The following ARL15 variants were observed in gnomAD, a reference collection of about 807,000 sequenced individuals.
The protein encoded by ARL15 is ADP-ribosylation factor-like protein 15.
Under a neutral mutation model 25.2 loss-of-function variants are expected in ARL15, and 19 were observed. The observed-to-expected ratio is 0.75, with a 90% CI of 0.53 to 1.10. The LOEUF is 1.10. ARL15 is among the 50% of genes least tolerant of loss of function. The probability of loss-of-function intolerance (pLI) is 0.00; values close to 1 mark genes in which losing one functional copy is unlikely to be tolerated. For missense variants in ARL15, 220 were observed against 246.0 expected, an observed-to-expected ratio of 0.89 and a Z score of 0.71; for synonymous variants, 94 against 86.8, an observed-to-expected ratio of 1.08 and a Z score of -0.46.
In ARL15 at chr5:53,991,563, G is replaced by GAAAAAAAAAAA. The variant is rs771075344; in HGVS notation, c.463-104851_463-104850insTTTTTTTTTTT. 8.6e-5 allele frequency among the ~76,000 whole-genome samples: 11 copies of GAAAAAAAAAAA among 127,916 alleles called. 2 individuals carry two copies. The highest frequency in any genetic ancestry group is 1.5e-4 in the African/African-American group (5 of 34,188). The allele number at this position is 127,916 out of a possible 152,430, so 83.9% of individuals were successfully genotyped here. The stretch of plus-strand genomic sequence containing the variant: ...ATCTCAAAAAAAAAAAAAAAAAAAG[G>GAAAAAAAAAAA]GGGGGCGGGGGGCAATTGAAGCAAT... On this transcript the variant is annotated intron_variant, in intron 4 of 4. Coordinates refer to ENST00000504924, the MANE Select transcript of ARL15 (RefSeq NM_019087.3).
chr5:54,309,096 T>C (rs892969865), intron 1 of ARL15, among the ~76,000 whole-genome samples: 4 of 152,228 alleles, frequency 2.6e-5, no homozygotes, highest in Admixed American at 2.6e-4. Context: ...AGAATGTTCA[T>C]AATCAGATAA....
At chr5:54,019,796 T>G (rs931263478) in intron 4 of ARL15, among the ~76,000 whole-genome samples, 4 of 152,228 alleles carry the variant, frequency 2.6e-5, no homozygotes, top group Non-Finnish European at 5.9e-5. Context: ...TGTTATAAAT[T>G]GAAGAATCAA....
At chr5:54,162,024 C>CAG (rs5867916) in intron 2 of ARL15, among the ~76,000 whole-genome samples, 27,048 of 145,224 alleles carry the variant, frequency 0.19, 3,017 homozygotes, top group East Asian at 0.61. Flanking sequence ...CACACACACA[C>CAG]AGAGAGAGAT....
At chr5:54,013,169 G>A (rs1167551668) in intron 4 of ARL15, among the ~76,000 whole-genome samples, 1 of 151,704 alleles carries the variant, frequency 6.6e-6, no homozygotes, top group Non-Finnish European at 1.5e-5. Context: ...ACTGAGTATA[G>A]AAAGCTAATT....
At chr5:53,927,665 T>G (rs1455516253) in intron 4 of ARL15, among the ~76,000 whole-genome samples, 1 of 152,164 alleles carries the variant, frequency 6.6e-6, no homozygotes, top group African/African-American at 2.4e-5. Context: ...AAAAATGGTA[T>G]GGACAAGGAG....
chr5:54,296,895 A>G (rs1340593772), intron 1 of ARL15, among the ~76,000 whole-genome samples: 1 of 152,158 alleles, frequency 6.6e-6, no homozygotes, highest in Non-Finnish European at 1.5e-5. Flanking sequence ...CACCACCACC[A>G]CTGTGGCAGA....
intron 1 of ARL15, among the ~76,000 whole-genome samples, chr5:54,298,863 C>G (rs563982303): frequency 2.0e-5 from 3 of 150,058 alleles, no homozygotes; most frequent in South Asian, 2.1e-4. Flanking sequence ...TTCTCCCAGA[C>G]TCCTCTTTCT....
At chr5:54,215,478 TTCACAC>T (rs1561270001) in intron 1 of ARL15, among the ~76,000 whole-genome samples, 8 of 152,112 alleles carry the variant, frequency 5.3e-5, no homozygotes, top group African/African-American at 7.2e-5. Context: ...CCCAGCGCCA[TTCACAC>T]ATGGATCAAA....
chr5:54,112,269 G>A (rs1752764838), intron 4 of ARL15, among the ~76,000 whole-genome samples: 1 of 152,146 alleles, frequency 6.6e-6, no homozygotes, highest in South Asian at 2.1e-4. Flanking sequence ...TTAGAGGTGA[G>A]AAGCCAGGCA....
chr5:54,018,879 C>T (rs778939707), intron 4 of ARL15, among the ~76,000 whole-genome samples: 25 of 152,068 alleles, frequency 1.6e-4, no homozygotes, highest in African/African-American at 4.8e-4. Flanking sequence ...ACTAAACACC[C>T]GGAGTGAATA....
rs72754242 is a variant in ARL15, at chr5:54,248,342, A to G, written c.48+62090T>C. On this transcript the variant is annotated intron_variant, in intron 1 of 4. Coordinates refer to ENST00000504924, the MANE Select transcript of ARL15 (RefSeq NM_019087.3). ...TCCCACCCCACCTCCAACCTTACCT[A>G]TCTCCATCTTCTCTTTCTCGGACTC... Among the ~76,000 whole-genome samples, 1,482 of 152,056 alleles carry G rather than the reference A, an allele frequency of 9.7e-3. 9 individuals carry two copies. The highest frequency in any genetic ancestry group is 0.02 in the Middle Eastern group (6 of 294).
At chr5:54,073,210 GA>G (rs1751480825) in intron 4 of ARL15, among the ~76,000 whole-genome samples, 1 of 152,172 alleles carries the variant, frequency 6.6e-6, no homozygotes. Flanking sequence ...CTTTTGGCAA[GA>G]AACATAGCTA....
At chr5:54,085,524 G>A (rs1187758512) in intron 4 of ARL15, among the ~76,000 whole-genome samples, 1 of 152,100 alleles carries the variant, frequency 6.6e-6, no homozygotes, top group Non-Finnish European at 1.5e-5. Context: ...TGAACGTACA[G>A]ACTAAAATTG....
intron 4 of ARL15, among the ~76,000 whole-genome samples, chr5:54,045,889 A>G (rs2111966116): frequency 1.3e-5 from 2 of 152,328 alleles, no homozygotes; most frequent in Middle Eastern, 6.8e-3. Flanking sequence ...GTCACCTTCA[A>G]TTGCTCTTAG....
intron 4 of ARL15, among the ~76,000 whole-genome samples, chr5:53,992,044 T>G (rs1227091294): frequency 6.6e-6 from 1 of 152,206 alleles, no homozygotes; most frequent in African/African-American, 2.4e-5. Flanking sequence ...TGCCTTCATT[T>G]CCCATACCAA....
intron 4 of ARL15, among the ~76,000 whole-genome samples, chr5:53,964,756 TAA>T (rs996834765): frequency 3.3e-5 from 5 of 152,226 alleles, no homozygotes; most frequent in South Asian, 2.1e-4. Flanking sequence ...TACTTCTTCC[TAA>T]TGTAGAAATA....
intron 1 of ARL15, among the ~76,000 whole-genome samples, chr5:54,177,074 A>G (rs1336659365): frequency 2.0e-5 from 3 of 152,196 alleles, no homozygotes; most frequent in Admixed American, 2.0e-4. Context: ...TGGGGGGCCA[A>G]CCAAGGTCAT....
At position 53,958,134 on chromosome 5, in the gene ARL15, T is replaced by TG. The variant is rs200459135; in HGVS notation, c.463-71422dup. Reference sequence around the variant, plus strand: ...CTGAGACAGGAGAATCGCTTGAGCCTGGGAGGAGGAGGTTGCAGTGAGTGA... The same window carrying TG: ...CTGAGACAGGAGAATCGCTTGAGCCTGGGGAGGAGGAGGTTGCAGTGAGTGA... On this transcript the variant is annotated intron_variant, in intron 4 of 4. Coordinates refer to ENST00000504924, the MANE Select transcript of ARL15 (RefSeq NM_019087.3). 4.5e-3 allele frequency among the ~76,000 whole-genome samples: 677 copies of TG among 150,920 alleles called. 7 individuals are homozygous for TG. Among genetic ancestry groups the TG allele is most frequent in the African/African-American group, 0.014 (564 of 41,048 alleles).
At chr5:54,110,420 A>G (rs549245278) in intron 4 of ARL15, among the ~76,000 whole-genome samples, 2 of 152,186 alleles carry the variant, frequency 1.3e-5, no homozygotes, top group Non-Finnish European at 2.9e-5. Context: ...ATAAAATGTA[A>G]TAATTTCAAT....
Sources: gnomAD v4.1 joint callset for allele counts (sites outside exome capture counted in the v4.1 genomes callset) on GRCh38, gnomAD v4.1.1 for gene constraint, MANE v1.5 for transcripts, NCBI Gene and HGNC (gene_info 2026-07-23, HGNC 2026-07-21) for gene names.